PRKN: variants seen among roughly 807,000 people sequenced by gnomAD.
PRKN encodes E3 ubiquitin-protein ligase parkin.
In PRKN, 56 loss-of-function variants were observed where a neutral mutation model predicts 59.5. That is an observed-to-expected ratio of 0.94 (90% CI 0.76 to 1.18). PRKN has a LOEUF of 1.18. Ranked by LOEUF, PRKN falls within the 50% of genes most tolerant of loss-of-function variation. The pLI, the probability that PRKN is intolerant of heterozygous loss-of-function variation, is 0.00. For synonymous variants in PRKN, 250 were observed against 222.1 expected, an observed-to-expected ratio of 1.13 and a Z score of -1.12; for missense variants, 657 against 596.4, an observed-to-expected ratio of 1.10 and a Z score of -1.06.
chr6:162,323,302 A>C (rs1783112191), intron 2 of PRKN, among the ~76,000 whole-genome samples: 1 of 114,614 alleles, frequency 8.7e-6, no homozygotes, highest in South Asian at 2.9e-4. Context: ...AAAACCACTT[A>C]TAGAAAAAAA....
At chr6:162,533,013 C>T (rs1256349759) in intron 1 of PRKN, among the ~76,000 whole-genome samples, 2 of 152,102 alleles carry the variant, frequency 1.3e-5, no homozygotes, top group East Asian at 3.9e-4. Flanking sequence ...ATCTTCTGGC[C>T]CTAGGTGCTT....
chr6:162,675,778 A>T (rs1178807724), intron 1 of PRKN, among the ~76,000 whole-genome samples: 1 of 152,190 alleles, frequency 6.6e-6, no homozygotes, highest in Non-Finnish European at 1.5e-5. Flanking sequence ...AGCTTAATGA[A>T]ATTATTCTAA....
At chr6:162,479,954 A>T (rs1345891755) in intron 1 of PRKN, among the ~76,000 whole-genome samples, 1 of 151,966 alleles carries the variant, frequency 6.6e-6, no homozygotes, top group Non-Finnish European at 1.5e-5. Context: ...AATCTCAGCT[A>T]CTTGGGAGGC....
At chr6:162,293,611 C>T (rs898887930) in intron 2 of PRKN, among the ~76,000 whole-genome samples, 8 of 152,116 alleles carry the variant, frequency 5.3e-5, no homozygotes, top group Admixed American at 1.3e-4. Context: ...ACCTCAAGCC[C>T]GGTGGAAGCC....
chr6:161,619,366 G>C (rs1306210460), intron 7 of PRKN, among the ~76,000 whole-genome samples: 2 of 126,672 alleles, frequency 1.6e-5, no homozygotes, highest in Non-Finnish European at 3.3e-5. Flanking sequence ...CTGTTTTACT[G>C]TTCTATATCC....
chr6:162,491,393 C>T (rs553949470), intron 1 of PRKN, among the ~76,000 whole-genome samples: 4 of 152,184 alleles, frequency 2.6e-5, no homozygotes, highest in African/African-American at 9.6e-5. Flanking sequence ...CCTGAGATCA[C>T]CATGCTTCAC....
chr6:161,822,323 AGTT>A (rs2128216551), intron 6 of PRKN, among the ~76,000 whole-genome samples: 1 of 152,344 alleles, frequency 6.6e-6, no homozygotes, highest in Admixed American at 6.5e-5. Context: ...CATCTTTCCT[AGTT>A]GTTGGAATGT....
At chr6:162,225,222 C>G (rs1195031730) in intron 3 of PRKN, among the ~76,000 whole-genome samples, 1 of 152,044 alleles carries the variant, frequency 6.6e-6, no homozygotes, top group Non-Finnish European at 1.5e-5. Context: ...AATACAGTCC[C>G]TCAAAAGTAA....
intron 6 of PRKN, among the ~76,000 whole-genome samples, chr6:161,901,528 A>T (rs1777915871): frequency 6.6e-6 from 1 of 152,118 alleles, no homozygotes; most frequent in Admixed American, 6.5e-5. Context: ...ATTTTCTGAA[A>T]TGGTCTAAAT....
chr6:162,112,473 A>C (rs1365919983), intron 4 of PRKN, among the ~76,000 whole-genome samples: 9 of 152,170 alleles, frequency 5.9e-5, no homozygotes, highest in African/African-American at 2.2e-4. Context: ...AAAGAATTGA[A>C]GTTTACTTTT....
intron 7 of PRKN, among the ~76,000 whole-genome samples, chr6:161,622,192 T>G (rs1226720004): frequency 6.6e-6 from 1 of 152,076 alleles, no homozygotes; most frequent in Non-Finnish European, 1.5e-5. Context: ...GCTGCTGCAG[T>G]AGTGGTCTCC....
chr6:162,361,472 G>A (rs1785133967), intron 2 of PRKN, among the ~76,000 whole-genome samples: 1 of 152,108 alleles, frequency 6.6e-6, no homozygotes, highest in African/African-American at 2.4e-5. Context: ...TGCAGGCCAG[G>A]AAGAGAGGCC....
intron 5 of PRKN, among the ~76,000 whole-genome samples, chr6:162,025,014 ATTT>A (rs753238837): frequency 1.1e-4 from 15 of 130,972 alleles, no homozygotes; most frequent in Non-Finnish European, 2.1e-4. Flanking sequence ...TCCAGATTGT[ATTT>A]TTTTTTTTTT....
In PRKN at chr6:161,417,149, G is replaced by A. The variant is rs188267328; in HGVS notation, c.1084-30272C>T. On this transcript the variant is annotated intron_variant, in intron 9 of 11. Transcript: ENST00000366898. The surrounding 1 kb of genome is among the most constrained non-coding windows in gnomAD (Gnocchi z 5.4). ...TTTCTGATGGCAGCGGGTTTTTGAT[G>A]GCCTGTAAAGTCATCTAACGGGCTT... Among the ~76,000 whole-genome samples, 49 of 152,198 alleles carry A rather than the reference G, an allele frequency of 3.2e-4. No individual in the cohort carries two copies. Among genetic ancestry groups the A allele is most frequent in the African/African-American group, 1.0e-3 (43 of 41,532 alleles).
intron 4 of PRKN, among the ~76,000 whole-genome samples, chr6:162,161,218 G>T (rs764172341): frequency 1.3e-5 from 2 of 152,172 alleles, no homozygotes; most frequent in Admixed American, 6.5e-5. Context: ...GCATTCTAGG[G>T]ATGCGATCCC....
intron 1 of PRKN, among the ~76,000 whole-genome samples, chr6:162,670,797 A>G (rs1562484792): frequency 1.3e-5 from 2 of 152,254 alleles, no homozygotes; most frequent in Non-Finnish European, 2.9e-5. Flanking sequence ...TATAGAATTT[A>G]AGAAAATCAT....
intron 6 of PRKN, among the ~76,000 whole-genome samples, chr6:161,864,594 T>G (rs1034040548): frequency 7.2e-5 from 11 of 152,214 alleles, no homozygotes; most frequent in Admixed American, 2.0e-4. Context: ...ATCGTTTTAA[T>G]GACATCTAGA....
intron 2 of PRKN, among the ~76,000 whole-genome samples, chr6:162,428,479 C>T (rs1050565012): frequency 3.3e-5 from 5 of 152,096 alleles, no homozygotes; most frequent in Admixed American, 6.5e-5. Flanking sequence ...TATTTGAAAC[C>T]TTAAACCTCT....
intron 5 of PRKN, among the ~76,000 whole-genome samples, chr6:162,018,866 G>A (rs891863787): frequency 1.7e-4 from 26 of 152,096 alleles, no homozygotes; most frequent in African/African-American, 6.3e-4. Flanking sequence ...ATAAAATCTA[G>A]AGCACTACAC....
Sources: allele counts gnomAD v4.1 joint callset (sites outside exome capture counted in the v4.1 genomes callset), GRCh38; gene constraint gnomAD v4.1.1; non-coding constraint Gnocchi (gnomAD v3.1); transcripts MANE v1.5; gene names NCBI Gene and HGNC (gene_info 2026-07-23, HGNC 2026-07-21).